Variants in LHFPL2 observed in about 807,000 individuals in gnomAD.
LHFPL2 encodes LHFPL tetraspan subfamily member 2.
In LHFPL2, 7 loss-of-function variants were observed where a neutral mutation model predicts 17.5. The ratio of observed to expected loss-of-function variants is 0.40; its 90% CI spans 0.23 to 0.75. The LOEUF (loss-of-function observed/expected upper bound fraction) is 0.75. Among genes scored for constraint, LHFPL2 ranks in the 30% least tolerant of loss-of-function variants. LHFPL2 has a pLI of 0.37. For synonymous variants in LHFPL2, 134 were observed against 116.2 expected (o/e 1.15, Z -0.99); for missense variants, 241 against 294.8 (o/e 0.82, Z 1.34).
intron 2 of LHFPL2, among the ~76,000 whole-genome samples, chr5:78,614,923 G>A (rs1222851343): frequency 6.6e-6 from 1 of 152,200 alleles, no homozygotes; most frequent in African/African-American, 2.4e-5. Context: ...GCTGGTAATT[G>A]TTAGGGCTGA....
At chr5:78,557,270 C>T (rs1370397617) in intron 3 of LHFPL2, among the ~76,000 whole-genome samples, 1 of 152,222 alleles carries the variant, frequency 6.6e-6, no homozygotes, top group Non-Finnish European at 1.5e-5. Context: ...ATGACTTTCT[C>T]TGCAACCATT....
At chr5:78,571,150 C>A (rs919659873) in intron 2 of LHFPL2, among the ~76,000 whole-genome samples, 3 of 152,232 alleles carry the variant, frequency 2.0e-5, no homozygotes, top group Middle Eastern at 6.8e-3. Flanking sequence ...TTAAAACACA[C>A]CCACCCCCAG....
intron 2 of LHFPL2, among the ~76,000 whole-genome samples, chr5:78,591,318 A>G (rs1441038111): frequency 6.6e-6 from 1 of 152,254 alleles, no homozygotes; most frequent in Non-Finnish European, 1.5e-5. Flanking sequence ...GTGCCCTGCA[A>G]CATTTTTCCC....
chr5:78,574,200 G>A (rs1199161214), intron 2 of LHFPL2, among the ~76,000 whole-genome samples: 2 of 152,220 alleles, frequency 1.3e-5, no homozygotes, highest in African/African-American at 4.8e-5. Context: ...AACAGTGGGC[G>A]TGAAGATACT....
chr5:78,527,840 A>G (rs1755665326), intron 3 of LHFPL2, among the ~76,000 whole-genome samples: 1 of 152,180 alleles, frequency 6.6e-6, no homozygotes, highest in Non-Finnish European at 1.5e-5. Flanking sequence ...GATACATGGC[A>G]TTTACTGAAC....
At chr5:78,554,769 T>C (rs937313249) in intron 3 of LHFPL2, among the ~76,000 whole-genome samples, 3 of 152,202 alleles carry the variant, frequency 2.0e-5, no homozygotes, top group African/African-American at 7.2e-5. Flanking sequence ...CTGAGCTGTC[T>C]CAGATCTTGG....
At chr5:78,568,735 G>C (rs1442096233) in intron 2 of LHFPL2, among the ~76,000 whole-genome samples, 1 of 152,100 alleles carries the variant, frequency 6.6e-6, no homozygotes. Flanking sequence ...GGCCACAGAG[G>C]GGGAAAGTCT....
At chr5:78,642,563 T>C (rs1745707448) in intron 1 of LHFPL2, among the ~76,000 whole-genome samples, 1 of 152,146 alleles carries the variant, frequency 6.6e-6, no homozygotes, top group Non-Finnish European at 1.5e-5. Flanking sequence ...CACAAATTAC[T>C]CTTGCACCTA....
chr5:78,583,688 C>T (rs1282896310), intron 2 of LHFPL2, among the ~76,000 whole-genome samples: 2 of 152,082 alleles, frequency 1.3e-5, no homozygotes, highest in Non-Finnish European at 2.9e-5. Flanking sequence ...GAGGGTAACC[C>T]AACCTTTCTC....
intron 1 of LHFPL2, among the ~76,000 whole-genome samples, chr5:78,645,999 G>A (rs1022003141): frequency 6.6e-6 from 1 of 152,224 alleles, no homozygotes; most frequent in African/African-American, 2.4e-5. Context: ...AGTCCCAAGA[G>A]AGGCACTTAT....
chr5:78,516,389 C>G (rs982958700), intron 3 of LHFPL2, among the ~76,000 whole-genome samples: 2 of 152,184 alleles, frequency 1.3e-5, no homozygotes, highest in Non-Finnish European at 2.9e-5. Flanking sequence ...AATTCTGTCC[C>G]CACACCAACT....
chr5:78,511,621 T>A (rs547669403), intron 3 of LHFPL2, among the ~76,000 whole-genome samples: 1 of 151,940 alleles, frequency 6.6e-6, no homozygotes, highest in Admixed American at 6.6e-5. Flanking sequence ...AGGCAGGGAG[T>A]TATCGAAGAG....
intron 4 of LHFPL2, among the ~76,000 whole-genome samples, chr5:78,498,763 C>G (rs1754684678): frequency 6.6e-6 from 1 of 152,178 alleles, no homozygotes; most frequent in African/African-American, 2.4e-5. Flanking sequence ...AAGAGACATA[C>G]ATGATACAAT....
intron 2 of LHFPL2, among the ~76,000 whole-genome samples, chr5:78,623,398 A>G (rs1744927121): frequency 6.6e-6 from 1 of 152,198 alleles, no homozygotes; most frequent in Non-Finnish European, 1.5e-5. Flanking sequence ...CATGAACACT[A>G]TTGTTTAGTC....
chr5:78,563,548 T>C (rs1482332254), intron 3 of LHFPL2, among the ~76,000 whole-genome samples: 4 of 151,696 alleles, frequency 2.6e-5, no homozygotes, highest in African/African-American at 9.7e-5. Context: ...ATACAAAAAT[T>C]AGCCAGGTGT....
chr5:78,550,381 G>A (rs549779519), intron 3 of LHFPL2, among the ~76,000 whole-genome samples: 3 of 152,244 alleles, frequency 2.0e-5, no homozygotes, highest in African/African-American at 4.8e-5. Context: ...GATTCAGGCC[G>A]TTATGAAGAG....
chr5:78,531,821 G>A (rs1217806285), intron 3 of LHFPL2, among the ~76,000 whole-genome samples: 2 of 152,042 alleles, frequency 1.3e-5, no homozygotes, highest in African/African-American at 4.8e-5. Context: ...AGCACAAGTG[G>A]TATGATCTCG....
At chr5:78,583,472 G>A (rs1328878343) in intron 2 of LHFPL2, among the ~76,000 whole-genome samples, 3 of 149,080 alleles carry the variant, frequency 2.0e-5, no homozygotes, top group African/African-American at 7.4e-5. Flanking sequence ...TTTTAGGGCA[G>A]GCCTGGTGGT....
intron 2 of LHFPL2, among the ~76,000 whole-genome samples, chr5:78,604,744 G>T (rs570501095): frequency 2.6e-5 from 4 of 152,166 alleles, no homozygotes; most frequent in Non-Finnish European, 5.9e-5. Flanking sequence ...TTGACGGCTG[G>T]CTTTAAAATA....
Sources: allele counts gnomAD v4.1 joint callset (sites outside exome capture counted in the v4.1 genomes callset), GRCh38; gene constraint gnomAD v4.1.1; transcripts MANE v1.5; gene names NCBI Gene and HGNC (gene_info 2026-07-23, HGNC 2026-07-21).